The following EYS variants were observed in gnomAD, a reference collection of about 807,000 sequenced individuals.
The protein encoded by EYS is protein eyes shut homolog.
A neutral mutation model predicts 282.1 loss-of-function variants in EYS; 250 were observed. The observed-to-expected ratio is 0.89, with a 90% CI of 0.80 to 0.98. The LOEUF (loss-of-function observed/expected upper bound fraction) is 0.98, where lower values mean the gene tolerates loss of function less well. EYS is among the 50% of genes least tolerant of loss of function. The probability of loss-of-function intolerance (pLI) is 0.00; values close to 1 mark genes in which losing one functional copy is unlikely to be tolerated. For synonymous variants in EYS, 1,355 were observed against 1,282.9 expected (o/e 1.06, Z -1.20); for missense variants, 4,016 against 3,709.0 (o/e 1.08, Z -2.15).
intron 22 of EYS, among the ~76,000 whole-genome samples, chr6:64,675,632 G>A (rs746108618): frequency 2.6e-5 from 4 of 151,706 alleles, no homozygotes; most frequent in Admixed American, 6.6e-5. Context: ...GTTTCACCAT[G>A]TTGGCTAGGC....
At chr6:65,083,389 A>T (rs969969829) in intron 12 of EYS, among the ~76,000 whole-genome samples, 1 of 152,012 alleles carries the variant, frequency 6.6e-6, no homozygotes, top group South Asian at 2.1e-4. Flanking sequence ...AATTGATAAT[A>T]TAAAAATCTA....
intron 15 of EYS, among the ~76,000 whole-genome samples, chr6:64,938,792 T>C (rs972568537): frequency 5.9e-5 from 9 of 151,718 alleles, no homozygotes; most frequent in African/African-American, 2.2e-4. Flanking sequence ...CAACTTACAA[T>C]TTTTGTCAAT....
intron 31 of EYS, among the ~76,000 whole-genome samples, chr6:64,156,030 GTGTGTGTGTGTT>G (rs1774906956): frequency 6.6e-6 from 1 of 150,826 alleles, no homozygotes; most frequent in Middle Eastern, 3.5e-3. Flanking sequence ...TTATGTGTGT[GTGTGTGTGTGTT>G]TGTGTGTGTG....
intron 12 of EYS, among the ~76,000 whole-genome samples, chr6:65,166,874 A>C (rs950043697): frequency 3.3e-5 from 5 of 151,236 alleles, no homozygotes; most frequent in Non-Finnish European, 3.0e-5. Context: ...AAAGTGGACA[A>C]GGAATTTGAA....
intron 35 of EYS, among the ~76,000 whole-genome samples, chr6:63,886,452 A>G (rs961324619): frequency 6.6e-6 from 1 of 152,216 alleles, no homozygotes; most frequent in African/African-American, 2.4e-5. Context: ...GCATTCCAAA[A>G]AAAAGTGATG....
Position 64,133,515 on chromosome 6 carries a change from C to CACACAG in EYS, c.6425-51514_6425-51513insCTGTGT, listed in dbSNP as rs1554210940. 3.1e-4 allele frequency among the ~76,000 whole-genome samples: 47 copies of CACACAG among 149,606 alleles called. 1 individual carries two copies. The highest frequency in any genetic ancestry group is 5.0e-4 in the Non-Finnish European group (34 of 67,470). ...ACACACACACACACACACACACACA[C>CACACAG]AGAGAAATCCATTTGTATTGGTTTA... is the stretch of plus-strand genomic sequence containing the variant. On this transcript the variant is annotated intron_variant, in intron 31 of 42. Coordinates refer to ENST00000503581, the MANE Select transcript of EYS (RefSeq NM_001142800.2).
At chr6:64,767,828 G>C (rs958288597) in intron 22 of EYS, among the ~76,000 whole-genome samples, 1 of 151,984 alleles carries the variant, frequency 6.6e-6, no homozygotes, top group Admixed American at 6.6e-5. Flanking sequence ...TCATATGTTA[G>C]TTCAAGTCGT....
intron 31 of EYS, among the ~76,000 whole-genome samples, chr6:64,103,883 G>T (rs948015712): frequency 6.6e-6 from 1 of 152,148 alleles, no homozygotes; most frequent in Non-Finnish European, 1.5e-5. Flanking sequence ...GACTTTCTGA[G>T]CTAGGAGAGA....
Position 63,868,245 on chromosome 6 carries a change from C to T in EYS, c.7056-3887G>A, listed in dbSNP as rs137923225. ...ATATATTTTGGAATTGTAACTGCTA[C>T]GGGATATTTGATTACAAGTCTACAA... On this transcript the variant is annotated intron_variant, in intron 35 of 42. Transcript: ENST00000503581. 5.2e-3 allele frequency among the ~76,000 whole-genome samples: 796 copies of T among 152,068 alleles called. 5 individuals carry two copies. Among genetic ancestry groups the T allele is most frequent in the African/African-American group, 0.018 (757 of 41,486 alleles).
intron 39 of EYS, among the ~76,000 whole-genome samples, chr6:63,781,388 A>C (rs1420089113): frequency 6.6e-6 from 1 of 152,158 alleles, no homozygotes; most frequent in African/African-American, 2.4e-5. Flanking sequence ...TGAGCATGGA[A>C]TGTTCTTCCA....
At chr6:65,092,160 T>C (rs1561961762) in intron 12 of EYS, among the ~76,000 whole-genome samples, 1 of 152,156 alleles carries the variant, frequency 6.6e-6, no homozygotes, top group Non-Finnish European at 1.5e-5. Context: ...TTTGGTTCTT[T>C]CATGAAACAT....
chr6:65,642,205 G>T (rs550764700), intron 1 of EYS, among the ~76,000 whole-genome samples: 1 of 151,706 alleles, frequency 6.6e-6, no homozygotes, highest in Non-Finnish European at 1.5e-5. Context: ...TGTACTTCTG[G>T]GTCTATTTAT....
intron 26 of EYS, among the ~76,000 whole-genome samples, chr6:64,560,156 C>T (rs879468410): frequency 3.4e-4 from 52 of 152,026 alleles, no homozygotes; most frequent in East Asian, 5.8e-4. Flanking sequence ...ATAGTTCATA[C>T]CAAAATATAC....
chr6:64,498,052 CACTT>C (rs1461302036), intron 26 of EYS, among the ~76,000 whole-genome samples: 1 of 152,120 alleles, frequency 6.6e-6, no homozygotes, highest in African/African-American at 2.4e-5. Context: ...AAACCAGACT[CACTT>C]TATTTAGACA....
intron 30 of EYS, among the ~76,000 whole-genome samples, chr6:64,259,537 T>C (rs981709837): frequency 6.6e-6 from 1 of 151,884 alleles, no homozygotes; most frequent in African/African-American, 2.4e-5. Context: ...TCCGTCCCAG[T>C]CTCTGAGAGG....
At position 63,726,691 on chromosome 6, in the gene EYS, G is replaced by C; in HGVS notation, c.8072-11C>G. ...CACTTATGGATAAAGCTGAGGGAAG[G>C]AGAGAAAGAGAACTCTGGGAGTTAT... On this transcript the variant is annotated splice_polypyrimidine_tract_variant and intron_variant, in intron 41 of 42. Transcript: ENST00000503581. The C allele has an allele frequency of 6.5e-7, 1 of 1,547,890 alleles. No individual in the cohort carries two copies. Among genetic ancestry groups the C allele is most frequent in the Non-Finnish European group, 8.7e-7 (1 of 1,144,612 alleles).
At chr6:64,839,577 C>T (rs1483505140) in intron 19 of EYS, among the ~76,000 whole-genome samples, 1 of 151,436 alleles carries the variant, frequency 6.6e-6, no homozygotes, top group Non-Finnish European at 1.5e-5. Flanking sequence ...CCCTTTTTTT[C>T]TCCTAATATG....
chr6:65,188,900 T>C (rs1459952989), intron 12 of EYS, among the ~76,000 whole-genome samples: 1 of 151,606 alleles, frequency 6.6e-6, no homozygotes, highest in Non-Finnish European at 1.5e-5. Flanking sequence ...GCCAGTATCA[T>C]GACTAGCCCA....
intron 33 of EYS, among the ~76,000 whole-genome samples, chr6:64,055,083 C>G (rs1018331821): frequency 1.3e-5 from 2 of 152,154 alleles, no homozygotes; most frequent in Non-Finnish European, 2.9e-5. Flanking sequence ...GGAGCTTGGC[C>G]TCTTACAGCT....
Sources: gnomAD v4.1 joint callset for allele counts (sites outside exome capture counted in the v4.1 genomes callset) on GRCh38, gnomAD v4.1.1 for gene constraint, MANE v1.5 for transcripts, NCBI Gene and HGNC (gene_info 2026-07-23, HGNC 2026-07-21) for gene names.